NTM: variants seen among roughly 807,000 people sequenced by gnomAD.
NTM encodes the protein neurotrimin.
A neutral mutation model predicts 42.1 loss-of-function variants in NTM; 13 were observed. The ratio of observed to expected loss-of-function variants is 0.31; its 90% CI spans 0.20 to 0.49. The LOEUF is 0.49. Ranked by LOEUF, NTM falls within the 20% of genes least tolerant of loss-of-function variation. NTM has a pLI of 0.99. For missense variants in NTM, 373 were observed against 452.8 expected (o/e 0.82, Z 1.60); for synonymous variants, 187 against 179.2 (o/e 1.04, Z -0.35).
chr11:131,487,392 C>T (rs1954291002), intron 1 of NTM, among the ~76,000 whole-genome samples: 1 of 152,132 alleles, frequency 6.6e-6, no homozygotes, highest in Admixed American at 6.5e-5. Context: ...TTATTATTTC[C>T]AGTTTCAATG....
At chr11:131,403,172 C>T (rs1945434725) in intron 1 of NTM, among the ~76,000 whole-genome samples, 3 of 152,204 alleles carry the variant, frequency 2.0e-5, no homozygotes, top group Admixed American at 2.0e-4. Flanking sequence ...CACAGACAGA[C>T]TCACCTCTTT....
At chr11:131,991,311 AAG>A (rs2066982370) in intron 2 of NTM, among the ~76,000 whole-genome samples, 1 of 152,138 alleles carries the variant, frequency 6.6e-6, no homozygotes, top group South Asian at 2.1e-4. Flanking sequence ...GTTCCACAAT[AAG>A]AGAGTCTTGT....
intron 4 of NTM, among the ~76,000 whole-genome samples, chr11:132,289,956 G>C (rs1305924321): frequency 1.3e-5 from 2 of 152,148 alleles, no homozygotes; most frequent in Non-Finnish European, 2.9e-5. Context: ...TGTTTCTGTT[G>C]GCATTTGCTA....
intron 1 of NTM, among the ~76,000 whole-genome samples, chr11:131,584,354 C>T (rs1162088752): frequency 6.6e-6 from 1 of 152,190 alleles, no homozygotes; most frequent in Non-Finnish European, 1.5e-5. Flanking sequence ...CCCAGGATCG[C>T]AGAGCAATTT....
intron 6 of NTM, among the ~76,000 whole-genome samples, chr11:132,313,698 G>T (rs1376373157): frequency 6.6e-6 from 1 of 152,104 alleles, no homozygotes; most frequent in African/African-American, 2.4e-5. Context: ...GACTCCAATA[G>T]CAGCTTTCTC....
At chr11:131,881,935 T>C (rs551280165) in intron 1 of NTM, among the ~76,000 whole-genome samples, 4 of 152,250 alleles carry the variant, frequency 2.6e-5, no homozygotes, top group Admixed American at 2.0e-4. Context: ...TGTGCCCATC[T>C]CCCTCTCCAG....
chr11:132,174,444 C>G (rs1476095008), intron 3 of NTM, among the ~76,000 whole-genome samples: 1 of 152,194 alleles, frequency 6.6e-6, no homozygotes, highest in Non-Finnish European at 1.5e-5. Flanking sequence ...AAGAATGTAC[C>G]TTGCTACATG....
In NTM at chr11:131,789,488, AAGAGG is replaced by A. The variant is rs1281982871; in HGVS notation, c.83-122074_83-122070del. Among the ~76,000 whole-genome samples the A allele has an allele frequency of 5.7e-4, 6 of 10,444 alleles. 1 individual carries two copies. The highest frequency in any genetic ancestry group is 1.8e-3 in the African/African-American group (5 of 2,712). The allele number at this position is 10,444 out of a possible 152,430, so 6.9% of individuals were successfully genotyped here. A position where few individuals can be genotyped will look rare whatever the true frequency, so the allele number is the denominator to read the frequency against. On this transcript the variant is annotated intron_variant, in intron 1 of 8. Transcript: ENST00000683400. ...GAAGAAGAAGAAGAAGAAGAAGAAG[AAGAGG>A]AAAGAAGAAGAAGAAGAAGAAGAAG...
At chr11:131,879,749 A>AG (rs56168697) in intron 1 of NTM, among the ~76,000 whole-genome samples, 114,364 of 152,038 alleles carry the variant, frequency 0.75, 43,648 homozygotes, top group East Asian at 0.97. Context: ...ACTTCCAAAA[A>AG]ATCCTTGGCT....
chr11:132,320,992 A>C lies in NTM; in HGVS notation c.934+6289A>C, dbSNP rs7950512. ...TGTCTGTTAGAAGGAAAACTAACAA[A>C]CAGAAAGGACATCCACACCAAAAAC... On this transcript the variant is annotated intron_variant, in intron 7 of 8. Transcript: ENST00000683400. Among the ~76,000 whole-genome samples the C allele has an allele frequency of 9.4e-3, 1,384 of 147,068 alleles. 24 individuals are homozygous for C. The highest frequency in any genetic ancestry group is 0.035 in the African/African-American group (1,297 of 36,934).
At chr11:131,387,367 C>A (rs903024271) in intron 1 of NTM, among the ~76,000 whole-genome samples, 1 of 152,110 alleles carries the variant, frequency 6.6e-6, no homozygotes, top group South Asian at 2.1e-4. Flanking sequence ...TCTGCTCCAT[C>A]GCCCCACCAA....
chr11:131,798,140 T>C (rs189322362), intron 1 of NTM, among the ~76,000 whole-genome samples: 3 of 152,128 alleles, frequency 2.0e-5, no homozygotes, highest in African/African-American at 7.2e-5. Context: ...AGGGTAGTAA[T>C]AATGGGTGTC....
intron 1 of NTM, among the ~76,000 whole-genome samples, chr11:131,734,643 G>A (rs942478742): frequency 2.6e-5 from 4 of 152,222 alleles, no homozygotes; most frequent in African/African-American, 7.2e-5. Context: ...TTCCTTTGGG[G>A]TAGCTACACT....
chr11:132,021,688 C>T (rs919116152), intron 2 of NTM, among the ~76,000 whole-genome samples: 1 of 152,156 alleles, frequency 6.6e-6, no homozygotes, highest in Non-Finnish European at 1.5e-5. Flanking sequence ...TTTCAAGTCT[C>T]TCTTCCCATA....
At chr11:132,311,359 T>A (rs547781228) in intron 6 of NTM, among the ~76,000 whole-genome samples, 11 of 152,186 alleles carry the variant, frequency 7.2e-5, no homozygotes, top group Admixed American at 1.3e-4. Context: ...TAAAAAAAAA[T>A]TTTTAAGGAC....
At chr11:132,052,530 C>T (rs1396664974) in intron 2 of NTM, among the ~76,000 whole-genome samples, 1 of 152,176 alleles carries the variant, frequency 6.6e-6, no homozygotes, top group Admixed American at 6.5e-5. Flanking sequence ...GAGATGTACT[C>T]CACCCTGTTC....
At chr11:131,835,982 A>G (rs1230721391) in intron 1 of NTM, among the ~76,000 whole-genome samples, 1 of 152,210 alleles carries the variant, frequency 6.6e-6, no homozygotes, top group East Asian at 1.9e-4. Flanking sequence ...GATTCTGTTT[A>G]TATGGAGAGT....
intron 1 of NTM, among the ~76,000 whole-genome samples, chr11:131,583,229 G>C (rs1259881944): frequency 6.6e-6 from 1 of 152,154 alleles, no homozygotes; most frequent in South Asian, 2.1e-4. Context: ...CTAGAGAGTA[G>C]AGAAGCCTCT....
intron 2 of NTM, among the ~76,000 whole-genome samples, chr11:131,936,157 A>G (rs576959724): frequency 2.0e-5 from 3 of 152,338 alleles, no homozygotes; most frequent in Admixed American, 1.3e-4. Flanking sequence ...CAGTCTCTCA[A>G]GGTATTCAAG....
Sources: gnomAD v4.1 joint callset for allele counts (sites outside exome capture counted in the v4.1 genomes callset) on GRCh38, gnomAD v4.1.1 for gene constraint, MANE v1.5 for transcripts, NCBI Gene and HGNC (gene_info 2026-07-23, HGNC 2026-07-21) for gene names.